Variants in ALG9 observed in about 807,000 individuals in gnomAD.
ALG9 encodes ALG9 alpha-1,2-mannosyltransferase, also known as alpha-1,2-mannosyltransferase ALG9.
ALG9 carries 55 observed loss-of-function variants against 81.8 expected under a neutral mutation model. The ratio of observed to expected loss-of-function variants is 0.67; its 90% CI spans 0.54 to 0.84. The LOEUF is 0.84. ALG9 is among the 40% of genes least tolerant of loss of function. The probability of loss-of-function intolerance (pLI) is 0.00; values close to 1 mark genes in which losing one functional copy is unlikely to be tolerated. For synonymous variants in ALG9, 278 were observed against 274.3 expected, an observed-to-expected ratio of 1.01 and a Z score of -0.13; for missense variants, 629 against 745.0, an observed-to-expected ratio of 0.84 and a Z score of 1.81.
At chr11:111,847,524 A>G (rs1258401869) in intron 8 of ALG9, among the ~76,000 whole-genome samples, 1 of 152,210 alleles carries the variant, frequency 6.6e-6, no homozygotes. Context: ...AGCAGAGAGC[A>G]CCACTCTTCA....
intron 5 of ALG9, chr11:111,857,947 G>GTTT: frequency 9.4e-6 from 4 of 427,448 alleles, no homozygotes; most frequent in Non-Finnish European, 1.6e-5. Context: ...CTCACTCCTG[G>GTTT]TTTTTTTTTT....
chr11:111,768,842 C>CGTGCGTGTGTGTGTGT, the ALG9 span: 1 of 143,096 alleles, frequency 7.0e-6, no homozygotes, highest in African/African-American at 2.7e-5. Flanking sequence ...TGTGTGTGTG[C>CGTGCGTGTGTGTGTGT]GTGTGTGTGT....
chr11:111,805,664 T>C (rs1040647882), intron 14 of ALG9, among the ~76,000 whole-genome samples: 1 of 152,160 alleles, frequency 6.6e-6, no homozygotes, highest in Non-Finnish European at 1.5e-5. Context: ...TGGGGGAGAA[T>C]AGAGCATGGA....
At chr11:111,788,695 G>C (rs556111362) in intron 14 of ALG9, 9 of 347,412 alleles carry the variant, frequency 2.6e-5, no homozygotes, top group South Asian at 1.7e-4. Context: ...TGAGGCTGCA[G>C]TGAGCTGTGA....
chr11:111,792,007 C>T (rs1000308010), intron 14 of ALG9, among the ~76,000 whole-genome samples: 1 of 152,152 alleles, frequency 6.6e-6, no homozygotes, highest in African/African-American at 2.4e-5. Context: ...CGGTTGAACC[C>T]GGGAGGTGGA....
In ALG9 at chr11:111,871,499, A is replaced by T. The variant is rs1256429014; in HGVS notation, c.-17T>A. On this transcript the variant is annotated 5_prime_UTR_variant, in exon 1 of 15. Coordinates refer to ENST00000616540, the MANE Select transcript of ALG9 (RefSeq NM_024740.2). ...ACTAGCCATGGCAAGCCTGGGGAAAAAAGAATTCGGCACCCTATGAAGTCG... is the reference window on the plus strand; with the variant it reads ...ACTAGCCATGGCAAGCCTGGGGAAATAAGAATTCGGCACCCTATGAAGTCG... The T allele has an allele frequency of 6.5e-7, 1 of 1,536,138 alleles. No individual in the cohort carries two copies. Among genetic ancestry groups the T allele is most frequent in the Non-Finnish European group, 8.7e-7 (1 of 1,146,576 alleles).
At chr11:111,830,717 G>A (rs782257099) in intron 13 of ALG9, among the ~76,000 whole-genome samples, 2 of 152,066 alleles carry the variant, frequency 1.3e-5, no homozygotes, top group Non-Finnish European at 2.9e-5. Flanking sequence ...TCCAAAAAGG[G>A]CAGGAGAAGG....
chr11:111,774,323 C>CCTCG, the ALG9 span, among the ~76,000 whole-genome samples: 1 of 152,258 alleles, frequency 6.6e-6, no homozygotes, highest in Admixed American at 6.5e-5. Flanking sequence ...TTGCGGTGAG[C>CCTCG]CGAGATTGCA....
At chr11:111,781,261 G>A (rs1945920957), downstream of ALG9, among the ~76,000 whole-genome samples, 1 of 152,104 alleles carries the variant, frequency 6.6e-6, no homozygotes, top group Non-Finnish European at 1.5e-5. Flanking sequence ...AAGTTATAGG[G>A]TATAAAGTCC....
At chr11:111,831,666 C>A (rs895368945) in intron 13 of ALG9, among the ~76,000 whole-genome samples, 5 of 152,152 alleles carry the variant, frequency 3.3e-5, no homozygotes, top group African/African-American at 4.8e-5. Flanking sequence ...TAGGGCTAAT[C>A]TTTATCAAGT....
chr11:111,801,386 A>G (rs1423626360), intron 14 of ALG9, among the ~76,000 whole-genome samples: 1 of 152,222 alleles, frequency 6.6e-6, no homozygotes, highest in Non-Finnish European at 1.5e-5. Flanking sequence ...TTGCAGTTAG[A>G]CCAATATATA....
intron 13 of ALG9, among the ~76,000 whole-genome samples, chr11:111,820,048 C>A (rs1418065585): frequency 1.3e-5 from 2 of 152,208 alleles, no homozygotes; most frequent in African/African-American, 2.4e-5. Flanking sequence ...CAATAAAGAT[C>A]ACATCATATC....
intron 14 of ALG9, among the ~76,000 whole-genome samples, chr11:111,792,983 AATTTCTTTTT>A (rs1947653747): frequency 6.6e-6 from 1 of 152,086 alleles, no homozygotes; most frequent in Admixed American, 6.6e-5. Flanking sequence ...AATATATTGT[AATTTCTTTTT>A]TTTCTTTTGA....
downstream of ALG9, among the ~76,000 whole-genome samples, chr11:111,779,264 T>A (rs73568438): frequency 6.6e-6 from 1 of 152,102 alleles, no homozygotes; most frequent in Non-Finnish European, 1.5e-5. Flanking sequence ...CCCTTCTCAT[T>A]TGGCAACTTG....
intron 3 of ALG9, among the ~76,000 whole-genome samples, chr11:111,867,057 T>G (rs1385230179): frequency 2.0e-5 from 3 of 152,210 alleles, no homozygotes; most frequent in Non-Finnish European, 2.9e-5. Flanking sequence ...ATCACATCAC[T>G]GCACTCCAGC....
chr11:111,809,703 T>C lies in ALG9; in HGVS notation c.1673A>G (p.Tyr558Cys), dbSNP rs1226901507. Residue 558 changes from tyrosine (Y) to cysteine (C), a missense_variant, in exon 14 of 15, where the codon TAT becomes TGT. By Grantham distance (194) the Tyr-to-Cys change is radical. Transcript: ENST00000616540. ...GATCCATTCTTCTTTATTGGATGAA[T>C]ATTTTGGCTCCCGGGGTGTTTCTCT... ...TMRETPREPK[Y>C]SSNKEEWISL... 11 of 1,614,164 alleles carry C rather than the reference T, an allele frequency of 6.8e-6. No homozygotes were observed. The highest frequency in any genetic ancestry group is 8.5e-6 in the Non-Finnish European group (10 of 1,180,004).
At chr11:111,810,350 T>C (rs1181349511) in intron 13 of ALG9, among the ~76,000 whole-genome samples, 1 of 152,226 alleles carries the variant, frequency 6.6e-6, no homozygotes, top group African/African-American at 2.4e-5. Context: ...GTTAATACTA[T>C]GTATTACATT....
chr11:111,793,984 G>C (rs1201316813), intron 14 of ALG9, among the ~76,000 whole-genome samples: 2 of 152,198 alleles, frequency 1.3e-5, no homozygotes, highest in East Asian at 3.9e-4. Flanking sequence ...CTCTATCATG[G>C]AAACTGAAAT....
In ALG9 at chr11:111,826,639, A is replaced by G. The variant is rs374172746; in HGVS notation, c.1602+9526T>C. On this transcript the variant is annotated intron_variant, in intron 13 of 14. Transcript: ENST00000616540. ...TAGCTTTTGATTTTTCAATTATCAA[A>G]TAGTAACATACACTAACTTCTTTTG... 2.1e-3 allele frequency among the ~76,000 whole-genome samples: 319 copies of G among 152,278 alleles called. 2 individuals carry two copies. Among genetic ancestry groups the G allele is most frequent in the African/African-American group, 7.3e-3 (305 of 41,554 alleles).
Sources: allele counts gnomAD v4.1 joint callset (sites outside exome capture counted in the v4.1 genomes callset), GRCh38; gene constraint gnomAD v4.1.1; transcripts MANE v1.5; gene names NCBI Gene and HGNC (gene_info 2026-07-23, HGNC 2026-07-21).